Variants in GPC5 observed in about 807,000 individuals in gnomAD.
GPC5 encodes the protein glypican 5.
A neutral mutation model predicts 53.9 loss-of-function variants in GPC5; 47 were observed. The ratio of observed to expected loss-of-function variants is 0.87; its 90% CI spans 0.69 to 1.11. The LOEUF (loss-of-function observed/expected upper bound fraction) is 1.11, where lower values mean the gene tolerates loss of function less well. GPC5 is among the 50% of genes most tolerant of loss of function. The pLI is 0.00. For synonymous variants in GPC5, 286 were observed against 263.3 expected, an observed-to-expected ratio of 1.09 and a Z score of -0.84; for missense variants, 748 against 713.1, an observed-to-expected ratio of 1.05 and a Z score of -0.56.
intron 7 of GPC5, among the ~76,000 whole-genome samples, chr13:92,824,796 C>A (rs376520482): frequency 6.6e-6 from 1 of 150,384 alleles, no homozygotes; most frequent in Non-Finnish European, 1.5e-5. Flanking sequence ...TTATAGTAAA[C>A]AATCTACAAG....
intron 7 of GPC5, among the ~76,000 whole-genome samples, chr13:92,641,342 A>C (rs1442431647): frequency 6.6e-6 from 1 of 152,156 alleles, no homozygotes; most frequent in Non-Finnish European, 1.5e-5. Flanking sequence ...ACATCAATCA[A>C]GCTCAAATGA....
At chr13:91,608,469 G>C (rs868221876) in intron 2 of GPC5, among the ~76,000 whole-genome samples, 3 of 152,170 alleles carry the variant, frequency 2.0e-5, no homozygotes, top group African/African-American at 7.2e-5. Flanking sequence ...ATTATGTGAT[G>C]CTCAGCTTCT....
chr13:91,946,711 C>T (rs1200108746), intron 6 of GPC5, among the ~76,000 whole-genome samples: 3 of 152,160 alleles, frequency 2.0e-5, no homozygotes, highest in Non-Finnish European at 4.4e-5. Context: ...GCTCATCCCA[C>T]CTTCTCTCAT....
At chr13:91,517,374 A>G (rs1885560635) in intron 2 of GPC5, among the ~76,000 whole-genome samples, 1 of 152,198 alleles carries the variant, frequency 6.6e-6, no homozygotes, top group Non-Finnish European at 1.5e-5. Flanking sequence ...TCTCTAGGGC[A>G]GGGGCAAAAT....
chr13:91,614,876 T>C (rs2033653887), intron 2 of GPC5, among the ~76,000 whole-genome samples: 1 of 152,216 alleles, frequency 6.6e-6, no homozygotes, highest in South Asian at 2.1e-4. Flanking sequence ...AGAATAGGCA[T>C]GTCCAAGGCA....
At chr13:91,780,353 C>T (rs1055218215) in intron 5 of GPC5, among the ~76,000 whole-genome samples, 6 of 152,134 alleles carry the variant, frequency 3.9e-5, no homozygotes, top group Non-Finnish European at 8.8e-5. Context: ...TAGCACCTAC[C>T]TTACAAGAAC....
At chr13:92,340,790 C>T (rs1039667600) in intron 7 of GPC5, among the ~76,000 whole-genome samples, 2 of 152,064 alleles carry the variant, frequency 1.3e-5, no homozygotes, top group Admixed American at 6.6e-5. Context: ...GCTTTTAGAC[C>T]TAACAGGTAT....
At chr13:91,414,189 GA>G (rs1566374223) in intron 1 of GPC5, among the ~76,000 whole-genome samples, 1 of 152,180 alleles carries the variant, frequency 6.6e-6, no homozygotes, top group African/African-American at 2.4e-5. Context: ...GGAGGCAATT[GA>G]ATCATGGGGG....
chr13:91,758,833 CTT>C (rs1203469829), intron 5 of GPC5, among the ~76,000 whole-genome samples: 1 of 152,124 alleles, frequency 6.6e-6, no homozygotes, highest in Non-Finnish European at 1.5e-5. Context: ...TTCACTGTGT[CTT>C]TAACTATCTT....
intron 3 of GPC5, among the ~76,000 whole-genome samples, chr13:91,703,721 G>A (rs2036040317): frequency 6.6e-6 from 1 of 152,150 alleles, no homozygotes; most frequent in Non-Finnish European, 1.5e-5. Flanking sequence ...AGAAGGATTG[G>A]TGCTAGTTCC....
At chr13:92,657,225 AAAGTT>A (rs1299428823) in intron 7 of GPC5, among the ~76,000 whole-genome samples, 1 of 152,172 alleles carries the variant, frequency 6.6e-6, no homozygotes, top group Non-Finnish European at 1.5e-5. Flanking sequence ...AAGATATATT[AAAGTT>A]AAGTATGATA....
At chr13:92,613,353 TATATA>T (rs1404797796) in intron 7 of GPC5, among the ~76,000 whole-genome samples, 51 of 99,256 alleles carry the variant, frequency 5.1e-4, no homozygotes, top group African/African-American at 2.0e-3. Flanking sequence ...TATATATAAA[TATATA>T]ATATATTTAT....
chr13:91,840,163 T>A (rs572091488), intron 5 of GPC5, among the ~76,000 whole-genome samples: 45 of 151,788 alleles, frequency 3.0e-4, no homozygotes, highest in African/African-American at 8.7e-4. Flanking sequence ...TAAAAAAAAA[T>A]TTTCTACTTT....
At chr13:91,500,378 A>C (rs1440487265) in intron 2 of GPC5, among the ~76,000 whole-genome samples, 2 of 152,334 alleles carry the variant, frequency 1.3e-5, no homozygotes, top group South Asian at 4.1e-4. Context: ...GTGGCTGGCC[A>C]TCTGATATTT....
At chr13:92,211,062 C>T (rs2042371299) in intron 7 of GPC5, among the ~76,000 whole-genome samples, 3 of 152,032 alleles carry the variant, frequency 2.0e-5, no homozygotes, top group African/African-American at 4.8e-5. Context: ...TTTCCAGAGT[C>T]GTGTTTACTG....
intron 6 of GPC5, among the ~76,000 whole-genome samples, chr13:91,928,677 G>A (rs538879696): frequency 4.6e-5 from 7 of 152,122 alleles, no homozygotes; most frequent in Admixed American, 3.9e-4. Context: ...GGCACGTAGG[G>A]GACTCCAGAA....
intron 7 of GPC5, among the ~76,000 whole-genome samples, chr13:92,151,694 A>G (rs2041908687): frequency 6.6e-6 from 1 of 152,196 alleles, no homozygotes; most frequent in Non-Finnish European, 1.5e-5. Context: ...ATTTTGAAAT[A>G]GTACCTCTGG....
At chr13:91,595,642 C>T (rs1259923957) in intron 2 of GPC5, among the ~76,000 whole-genome samples, 11 of 152,126 alleles carry the variant, frequency 7.2e-5, no homozygotes, top group East Asian at 1.9e-4. Context: ...TCTGAACTTC[C>T]CTTTAAGCAG....
chr13:92,673,429 C>T (rs1199260110), intron 7 of GPC5, among the ~76,000 whole-genome samples: 1 of 151,880 alleles, frequency 6.6e-6, no homozygotes, highest in Admixed American at 6.6e-5. Context: ...TACCAGAAGG[C>T]ACGCACCATG....
Sources: allele counts gnomAD v4.1 joint callset (sites outside exome capture counted in the v4.1 genomes callset), GRCh38; gene constraint gnomAD v4.1.1; transcripts MANE v1.5; gene names NCBI Gene and HGNC (gene_info 2026-07-23, HGNC 2026-07-21).